The following AMPH variants were observed in gnomAD, a reference collection of about 807,000 sequenced individuals.
AMPH encodes amphiphysin (Stiff-Mann syndrome with breast cancer 128kD autoantigen).
In AMPH, 49 loss-of-function variants were observed where a neutral mutation model predicts 99.1. The ratio of observed to expected loss-of-function variants is 0.49; its 90% CI spans 0.39 to 0.63. The LOEUF (loss-of-function observed/expected upper bound fraction) is 0.63. AMPH is among the 20% of genes least tolerant of loss of function. The pLI is 0.00. For synonymous variants in AMPH, 314 were observed against 317.3 expected, an observed-to-expected ratio of 0.99 and a Z score of 0.11; for missense variants, 759 against 863.4, an observed-to-expected ratio of 0.88 and a Z score of 1.52.
intron 12 of AMPH, among the ~76,000 whole-genome samples, chr7:38,434,691 A>T (rs1786189548): frequency 6.6e-6 from 1 of 151,662 alleles, no homozygotes; most frequent in African/African-American, 2.4e-5. Flanking sequence ...GTGAGCCAAG[A>T]TCGCACCACT....
chr7:38,610,284 G>GA (rs1562860119), intron 1 of AMPH, among the ~76,000 whole-genome samples: 6 of 8,920 alleles, frequency 6.7e-4, no homozygotes, highest in Admixed American at 2.9e-3. Context: ...AAGAAAGAAA[G>GA]AAAGAAAGAA....
At chr7:38,525,163 A>G (rs1790116618) in intron 2 of AMPH, among the ~76,000 whole-genome samples, 1 of 149,960 alleles carries the variant, frequency 6.7e-6, no homozygotes, top group African/African-American at 2.5e-5. Context: ...TTGTGTGTAT[A>G]TATATATATA....
At chr7:38,422,624 T>A in intron 15 of AMPH, 147 bp from the exon 16 acceptor site, 1 of 665,682 alleles carries the variant, frequency 1.5e-6, no homozygotes, top group South Asian at 1.9e-5. Context: ...CGACACTCTA[T>A]CTATCTAATT....
At chr7:38,566,008 C>A (rs1791729723) in intron 1 of AMPH, among the ~76,000 whole-genome samples, 1 of 152,134 alleles carries the variant, frequency 6.6e-6, no homozygotes, top group Non-Finnish European at 1.5e-5. Context: ...TTAACAGGGA[C>A]CACCTTTAGA....
intron 17 of AMPH, among the ~76,000 whole-genome samples, chr7:38,399,761 C>T (rs1218071963): frequency 6.6e-6 from 1 of 152,146 alleles, no homozygotes; most frequent in Non-Finnish European, 1.5e-5. Flanking sequence ...CCTTTCATAC[C>T]CAGTGCTATC....
intron 2 of AMPH, among the ~76,000 whole-genome samples, chr7:38,522,656 A>T (rs952401618): frequency 1.3e-5 from 2 of 152,188 alleles, no homozygotes; most frequent in African/African-American, 4.8e-5. Flanking sequence ...AGAGCTAGAG[A>T]GCAGGGGACC....
intron 5 of AMPH, among the ~76,000 whole-genome samples, chr7:38,490,760 T>G (rs1788687367): frequency 6.6e-6 from 1 of 152,198 alleles, no homozygotes; most frequent in Non-Finnish European, 1.5e-5. Context: ...TAAAGAAGAT[T>G]GGAACTTTTG....
At chr7:38,516,569 T>C (rs1315512891) in intron 2 of AMPH, among the ~76,000 whole-genome samples, 1 of 152,236 alleles carries the variant, frequency 6.6e-6, no homozygotes, top group Admixed American at 6.5e-5. Flanking sequence ...AAAGCTCTCA[T>C]GGAGAACCTC....
At chr7:38,539,148 T>C (rs920549311) in intron 1 of AMPH, among the ~76,000 whole-genome samples, 8 of 152,268 alleles carry the variant, frequency 5.3e-5, no homozygotes, top group East Asian at 3.9e-4. Context: ...AGCAAATTCA[T>C]AGAAACCAAA....
intron 2 of AMPH, among the ~76,000 whole-genome samples, chr7:38,515,492 C>T (rs777083072): frequency 3.4e-4 from 52 of 152,198 alleles, no homozygotes; most frequent in Non-Finnish European, 6.3e-4. Flanking sequence ...TTGTAAGTTT[C>T]CAGAGGCCTC....
intron 11 of AMPH, among the ~76,000 whole-genome samples, chr7:38,445,165 G>T (rs1199566014): frequency 6.7e-6 from 1 of 150,278 alleles, no homozygotes; most frequent in East Asian, 2.0e-4. Flanking sequence ...TTCCACAAAG[G>T]TACAAAGGCA....
intron 16 of AMPH, among the ~76,000 whole-genome samples, chr7:38,420,438 A>G (rs1156488814): frequency 6.6e-6 from 1 of 152,122 alleles, no homozygotes; most frequent in East Asian, 1.9e-4. Context: ...TGCCACACCT[A>G]TTTTGGAGTG....
chr7:38,515,624 T>C (rs532920222), intron 2 of AMPH, among the ~76,000 whole-genome samples: 1 of 152,278 alleles, frequency 6.6e-6, no homozygotes, highest in Admixed American at 6.5e-5. Flanking sequence ...TATGAATAAT[T>C]GGCACCAAGC....
chr7:38,410,011 T>C (rs886315692), intron 17 of AMPH, among the ~76,000 whole-genome samples: 1 of 152,228 alleles, frequency 6.6e-6, no homozygotes, highest in African/African-American at 2.4e-5. Flanking sequence ...AAGCACATAC[T>C]AGTTTTTGGA....
At chr7:38,559,598 T>C (rs1791486630) in intron 1 of AMPH, among the ~76,000 whole-genome samples, 1 of 152,232 alleles carries the variant, frequency 6.6e-6, no homozygotes, top group African/African-American at 2.4e-5. Flanking sequence ...CTTCACTTAC[T>C]GAATACTTAT....
intron 1 of AMPH, among the ~76,000 whole-genome samples, chr7:38,562,982 A>G (rs1791608472): frequency 6.6e-6 from 1 of 152,234 alleles, no homozygotes; most frequent in African/African-American, 2.4e-5. Context: ...AGTACCTTGA[A>G]GTCAACTACA....
chr7:38,469,441 G>A (rs1390142181), intron 7 of AMPH, among the ~76,000 whole-genome samples: 1 of 152,114 alleles, frequency 6.6e-6, no homozygotes, highest in East Asian at 1.9e-4. Context: ...TCTCCCCTTC[G>A]CAATGCCCTA....
intron 9 of AMPH, 74 bp from the exon 10 acceptor site, chr7:38,463,187 C>T (rs745626011): frequency 6.3e-7 from 1 of 1,595,620 alleles, no homozygotes; most frequent in Non-Finnish European, 8.6e-7. Context: ...TTTTCCATTT[C>T]AGAGAAACCC....
At chr7:38,501,705 A>C (rs1789142005) in intron 3 of AMPH, among the ~76,000 whole-genome samples, 1 of 151,886 alleles carries the variant, frequency 6.6e-6, no homozygotes, top group African/African-American at 2.4e-5. Flanking sequence ...AGTTCTATAC[A>C]TCCACATTAA....
Sources: gnomAD v4.1 joint callset for allele counts (sites outside exome capture counted in the v4.1 genomes callset) on GRCh38, gnomAD v4.1.1 for gene constraint, MANE v1.5 for transcripts, NCBI Gene and HGNC (gene_info 2026-07-23, HGNC 2026-07-21) for gene names.